Variants in TSPAN12 observed in about 807,000 individuals in gnomAD.
TSPAN12 encodes the protein tetraspanin 12, also known as tetraspanin-12.
Under a neutral mutation model 39.2 loss-of-function variants are expected in TSPAN12, and 19 were observed. The observed-to-expected ratio is 0.49, with a 90% CI of 0.34 to 0.71. The LOEUF is 0.71. Among genes scored for constraint, TSPAN12 ranks in the 30% least tolerant of loss-of-function variants. TSPAN12 has a pLI of 0.01. For synonymous variants in TSPAN12, 119 were observed against 124.8 expected (o/e 0.95, Z 0.31); for missense variants, 314 against 359.9 (o/e 0.87, Z 1.03).
At chr7:120,808,688 C>T (rs1381050674) in intron 6 of TSPAN12, among the ~76,000 whole-genome samples, 3 of 152,104 alleles carry the variant, frequency 2.0e-5, no homozygotes, top group African/African-American at 7.2e-5. Flanking sequence ...ACAAACGTCA[C>T]TGGGGCTTAA....
intron 2 of TSPAN12, among the ~76,000 whole-genome samples, chr7:120,855,487 T>C (rs1221672549): frequency 6.6e-6 from 1 of 152,230 alleles, no homozygotes; most frequent in African/African-American, 2.4e-5. Flanking sequence ...TAACTTTTAA[T>C]GATCCAGGTA....
chr7:120,841,170 A>T (rs1047924371), intron 2 of TSPAN12, among the ~76,000 whole-genome samples: 21 of 152,216 alleles, frequency 1.4e-4, no homozygotes, highest in African/African-American at 4.3e-4. Flanking sequence ...TCACAAAAAG[A>T]GACAATTACA....
intron 2 of TSPAN12, among the ~76,000 whole-genome samples, chr7:120,853,001 A>T (rs1403127537): frequency 6.6e-6 from 1 of 152,222 alleles, no homozygotes; most frequent in East Asian, 1.9e-4. Context: ...GGATCTGCAA[A>T]CATTGCCTTA....
At chr7:120,847,129 G>A (rs1397083877) in intron 2 of TSPAN12, among the ~76,000 whole-genome samples, 1 of 151,460 alleles carries the variant, frequency 6.6e-6, no homozygotes, top group South Asian at 2.1e-4. Flanking sequence ...CAGCTCTACT[G>A]CCTTTTAGCT....
intron 4 of TSPAN12, among the ~76,000 whole-genome samples, chr7:120,832,473 C>T (rs964190899): frequency 6.6e-6 from 1 of 152,066 alleles, no homozygotes; most frequent in African/African-American, 2.4e-5. Flanking sequence ...TATACACACT[C>T]TTCATGTTGC....
Position 120,840,063 on chromosome 7 carries a change from T to C in TSPAN12, c.113A>G (p.Tyr38Cys). ...AGTTAAAGTGAGAACATTATTTAGG[T>C]AGTCCCTCATCCAAGCAGAAACTGC... ...VLAVSAWMRD[Y>C]LNNVLTLTAE... The change falls in exon 3 of 8, where the codon TAC (tyrosine) becomes TGC (cysteine). Residue 38 changes from tyrosine to cysteine, a missense_variant. Physicochemically the swap from Tyr to Cys is radical, Grantham distance 194. Coordinates refer to ENST00000222747, the MANE Select transcript of TSPAN12 (RefSeq NM_012338.4). 1 of 1,613,814 alleles carries C rather than the reference T, an allele frequency of 6.2e-7. No individual in the cohort carries two copies. Among genetic ancestry groups the C allele is most frequent in the East Asian group, 2.2e-5 (1 of 44,878 alleles).
At chr7:120,839,997 AAG>A in intron 3 of TSPAN12, 28 bp downstream of exon 3, 1 of 1,550,708 alleles carries the variant, frequency 6.4e-7, no homozygotes, top group Non-Finnish European at 8.9e-7. Flanking sequence ...ATCAGCAAGA[AAG>A]AATTCAATCA....
At chr7:120,818,714 A>G (rs570491577) in intron 4 of TSPAN12, among the ~76,000 whole-genome samples, 80 of 152,288 alleles carry the variant, frequency 5.3e-4, no homozygotes, top group South Asian at 1.2e-3. Flanking sequence ...TTCAAAGGAT[A>G]AAGTAGTATT....
At chr7:120,817,432 G>A (rs542188134) in intron 4 of TSPAN12, among the ~76,000 whole-genome samples, 3 of 151,388 alleles carry the variant, frequency 2.0e-5, no homozygotes, top group African/African-American at 7.3e-5. Flanking sequence ...AGCCGAGGGT[G>A]GAATTGAAAA....
intron 2 of TSPAN12, among the ~76,000 whole-genome samples, chr7:120,844,973 G>A (rs1431432949): frequency 6.6e-6 from 1 of 152,188 alleles, no homozygotes; most frequent in African/African-American, 2.4e-5. Context: ...GGATATCCAG[G>A]CATTTGCATA....
chr7:120,794,267 G>C (rs565860690), intron 7 of TSPAN12, among the ~76,000 whole-genome samples: 3 of 152,154 alleles, frequency 2.0e-5, no homozygotes, highest in Admixed American at 1.3e-4. Context: ...GACTCATTAG[G>C]CATGTAGAAA....
At position 120,788,485 on chromosome 7, in the gene TSPAN12, T is replaced by A. The variant is rs1050459794; in HGVS notation, c.*107A>T. The A allele has an allele frequency of 7.1e-7, 1 of 1,400,796 alleles. No homozygotes were observed. Among genetic ancestry groups the A allele is most frequent in the Non-Finnish European group, 1.0e-6 (1 of 996,672 alleles). The allele number at this position is 1,400,796 out of a possible 1,614,324, so 86.8% of individuals were successfully genotyped here. ...AATAGTATATGCTTAGGTGTTATTT[T>A]ATGGCAACATTTTTATTTCTACATA... On this transcript the variant is annotated 3_prime_UTR_variant, in exon 8 of 8. Coordinates refer to ENST00000222747, the MANE Select transcript of TSPAN12 (RefSeq NM_012338.4).
At chr7:120,853,974 C>T (rs1000429248) in intron 2 of TSPAN12, among the ~76,000 whole-genome samples, 1 of 150,422 alleles carries the variant, frequency 6.6e-6, no homozygotes, top group African/African-American at 2.4e-5. Context: ...ATGAAATTAA[C>T]ACTTAAAATA....
At chr7:120,825,501 C>A (rs997453162) in intron 4 of TSPAN12, among the ~76,000 whole-genome samples, 2 of 152,088 alleles carry the variant, frequency 1.3e-5, no homozygotes. Context: ...TGCTACATAG[C>A]CAATACTTTT....
At chr7:120,844,279 T>C (rs976111190) in intron 2 of TSPAN12, among the ~76,000 whole-genome samples, 1 of 152,060 alleles carries the variant, frequency 6.6e-6, no homozygotes, top group African/African-American at 2.4e-5. Flanking sequence ...ATCCAAACCA[T>C]ATCATTCAAC....
chr7:120,824,658 T>A (rs574542178), intron 4 of TSPAN12, among the ~76,000 whole-genome samples: 1 of 152,358 alleles, frequency 6.6e-6, no homozygotes, highest in South Asian at 2.1e-4. Context: ...ACTTCTTTAC[T>A]GTTAATAATG....
At chr7:120,827,577 G>C (rs1052590766) in intron 4 of TSPAN12, among the ~76,000 whole-genome samples, 41 of 152,222 alleles carry the variant, frequency 2.7e-4, no homozygotes, top group Middle Eastern at 3.4e-3. Context: ...AATGATAGAA[G>C]GAAGTTTGAA....
intron 4 of TSPAN12, among the ~76,000 whole-genome samples, chr7:120,817,068 T>G (rs527658378): frequency 6.6e-6 from 1 of 152,226 alleles, no homozygotes; most frequent in Admixed American, 6.5e-5. Flanking sequence ...AAAATGTTTA[T>G]CTAAGTATCA....
chr7:120,847,898 A>G (rs1293872091), intron 2 of TSPAN12, among the ~76,000 whole-genome samples: 2 of 152,322 alleles, frequency 1.3e-5, no homozygotes, highest in East Asian at 3.9e-4. Flanking sequence ...CTGAGAGAAC[A>G]AAGTTTAAAC....
Sources: gnomAD v4.1 joint callset for allele counts (sites outside exome capture counted in the v4.1 genomes callset) on GRCh38, gnomAD v4.1.1 for gene constraint, MANE v1.5 for transcripts, NCBI Gene and HGNC (gene_info 2026-07-23, HGNC 2026-07-21) for gene names.